The following KATNAL2 variants were observed in gnomAD, a reference collection of about 807,000 sequenced individuals.
KATNAL2 encodes the protein katanin catalytic subunit A1 like 2, also known as katanin p60 ATPase-containing subunit A-like 2.
KATNAL2 carries 52 observed loss-of-function variants against 76.3 expected under a neutral mutation model. That is an observed-to-expected ratio of 0.68 (90% CI 0.55 to 0.86). KATNAL2 has a LOEUF of 0.86. Among genes scored for constraint, KATNAL2 ranks in the 40% least tolerant of loss-of-function variants. The pLI, the probability that KATNAL2 is intolerant of heterozygous loss-of-function variation, is 0.00. For missense variants in KATNAL2, 660 were observed against 668.9 expected, an observed-to-expected ratio of 0.99 and a Z score of 0.15; for synonymous variants, 243 against 244.2, an observed-to-expected ratio of 1.00 and a Z score of 0.05.
chr18:47,059,486 G>A (rs1350038088), intron 7 of KATNAL2, 70 bp from the exon 8 acceptor site: 9 of 1,030,118 alleles, frequency 8.7e-6, no homozygotes, highest in Non-Finnish European at 1.2e-5. Context: ...GCTTGATGGA[G>A]TAGGCAGGTA....
intron 3 of KATNAL2, chr18:47,034,667 C>T (rs2060672257): frequency 1.2e-6 from 2 of 1,613,598 alleles, no homozygotes; most frequent in Non-Finnish European, 1.7e-6. Flanking sequence ...CCCTGAGCCG[C>T]GTGAGTGTGG....
At chr18:47,077,225 A>G (rs1174548011) in intron 14 of KATNAL2, 126 bp from the exon 15 acceptor site, 27 of 656,428 alleles carry the variant, frequency 4.1e-5, no homozygotes, top group Non-Finnish European at 1.1e-5. Flanking sequence ...CTCTAGTATG[A>G]ACGGCTCCAT....
At position 47,077,338 on chromosome 18, in the gene KATNAL2, T is replaced by C. The variant is rs2062285249; in HGVS notation, c.1101-13T>C. 2 of 1,601,998 alleles carry C rather than the reference T, an allele frequency of 1.2e-6. No homozygotes were observed. The highest frequency in any genetic ancestry group is 4.5e-5 in the East Asian group (2 of 44,824). On this transcript the variant is annotated splice_polypyrimidine_tract_variant and intron_variant, in intron 14 of 17. Coordinates refer to ENST00000683218, the MANE Select transcript of KATNAL2 (RefSeq NM_001387690.1). ...TCTGACACTTAGGAGAATCACGTCT[T>C]GTCTCTCTGTAGGGGAGAACATGAA...
chr18:47,100,701 G>A (rs1211768446), intron 17 of KATNAL2, among the ~76,000 whole-genome samples, 165 bp from the exon 18 acceptor site: 1 of 152,136 alleles, frequency 6.6e-6, no homozygotes, highest in East Asian at 1.9e-4. Context: ...TCAGTTGCAC[G>A]TTAAAGAATT....
At chr18:46,950,536 G>A (rs1245931001) in intron 3 of KATNAL2, among the ~76,000 whole-genome samples, 3 of 151,818 alleles carry the variant, frequency 2.0e-5, no homozygotes, top group African/African-American at 7.3e-5. Flanking sequence ...ACAAAGTAAT[G>A]GCAGCACATC....
intron 15 of KATNAL2, among the ~76,000 whole-genome samples, chr18:47,081,799 A>G (rs746991333): frequency 6.6e-6 from 1 of 152,192 alleles, no homozygotes; most frequent in East Asian, 1.9e-4. Context: ...TCCTAGAATC[A>G]GCCACTTATT....
intron 3 of KATNAL2, chr18:47,033,007 C>G: frequency 6.2e-7 from 1 of 1,614,104 alleles, no homozygotes; most frequent in Non-Finnish European, 8.5e-7. Flanking sequence ...CTGAGTTTAT[C>G]GTCGGGAGAA....
intron 15 of KATNAL2, chr18:47,084,524 T>A: frequency 1.6e-6 from 1 of 635,440 alleles, no homozygotes; most frequent in Non-Finnish European, 2.8e-6. Context: ...TTCAACTGGT[T>A]TCCCCCAGCA....
chr18:46,926,328 T>G (rs2058729120), intron 1 of KATNAL2, among the ~76,000 whole-genome samples: 1 of 152,194 alleles, frequency 6.6e-6, no homozygotes, highest in African/African-American at 2.4e-5. Context: ...ATTTCTGCCT[T>G]CATTTTGTTA....
At chr18:46,945,273 A>G (rs1371011277) in intron 1 of KATNAL2, among the ~76,000 whole-genome samples, 1 of 152,252 alleles carries the variant, frequency 6.6e-6, no homozygotes, top group Non-Finnish European at 1.5e-5. Context: ...CAGTATGAAA[A>G]GTATGTTGTG....
chr18:47,034,521 C>T, intron 3 of KATNAL2: 1 of 1,614,216 alleles, frequency 6.2e-7, no homozygotes, highest in Non-Finnish European at 8.5e-7. Flanking sequence ...TCTCCCTGAT[C>T]AAAGTAGGGG....
At chr18:47,054,354 T>G in intron 5 of KATNAL2, 42 bp from the exon 6 acceptor site, 1 of 1,564,970 alleles carries the variant, frequency 6.4e-7, no homozygotes, top group Non-Finnish European at 8.8e-7. Flanking sequence ...TTGTCACTCT[T>G]AAAATTATTT....
intron 13 of KATNAL2, among the ~76,000 whole-genome samples, chr18:47,070,407 C>T (rs922145971): frequency 2.0e-5 from 3 of 152,072 alleles, no homozygotes; most frequent in Admixed American, 2.0e-4. Context: ...TTTTTGCTTT[C>T]TTTCAGAGGT....
intron 6 of KATNAL2, among the ~76,000 whole-genome samples, chr18:47,057,901 G>A (rs1470614073): frequency 6.6e-6 from 1 of 152,126 alleles, no homozygotes; most frequent in Non-Finnish European, 1.5e-5. Context: ...GAAGGTGGAA[G>A]GAACAATGGA....
intron 3 of KATNAL2, among the ~76,000 whole-genome samples, chr18:46,948,158 T>G (rs188608364): frequency 6.6e-6 from 1 of 152,322 alleles, no homozygotes; most frequent in Non-Finnish European, 1.5e-5. Context: ...TCGCCCAGGC[T>G]GGAGTGCAGT....
At chr18:47,062,567 C>T (rs1475013066) in intron 8 of KATNAL2, among the ~76,000 whole-genome samples, 1 of 151,960 alleles carries the variant, frequency 6.6e-6, no homozygotes, top group African/African-American at 2.4e-5. Context: ...ACCCAGCACT[C>T]TATTGAGTGG....
At chr18:47,030,993 G>GCAGAATCCCT (rs2060380149) in intron 3 of KATNAL2, among the ~76,000 whole-genome samples, 1 of 78,208 alleles carries the variant, frequency 1.3e-5, no homozygotes, top group Non-Finnish European at 2.5e-5. Context: ...AAGTCAACCA[G>GCAGAATCCCT]CAGAATCCCT....
intron 9 of KATNAL2, 84 bp from the exon 10 acceptor site, chr18:47,063,200 T>G: frequency 1.3e-6 from 2 of 1,481,714 alleles, no homozygotes; most frequent in Non-Finnish European, 1.9e-6. Flanking sequence ...ATCGTTTGTT[T>G]CACCAAGACC....
intron 8 of KATNAL2, 47 bp from the exon 9 acceptor site, chr18:47,062,925 T>G (rs1399937216): frequency 6.9e-7 from 1 of 1,444,398 alleles, no homozygotes. Context: ...TTAAGAAGAG[T>G]CTTCTCTTAT....
Sources: allele counts gnomAD v4.1 joint callset (sites outside exome capture counted in the v4.1 genomes callset), GRCh38; gene constraint gnomAD v4.1.1; transcripts MANE v1.5; gene names NCBI Gene and HGNC (gene_info 2026-07-23, HGNC 2026-07-21).